The following KCNMA1 variants were observed in gnomAD, a reference collection of about 807,000 sequenced individuals.
The protein encoded by KCNMA1 is Calcium-activated potassium channel subunit alpha-1.
KCNMA1 carries 29 observed loss-of-function variants against 140.0 expected under a neutral mutation model. That is an observed-to-expected ratio of 0.21 (90% CI 0.15 to 0.28). The LOEUF is 0.28. Among genes scored for constraint, KCNMA1 ranks in the 10% least tolerant of loss-of-function variants. KCNMA1 has a pLI of 1.00. For synonymous variants in KCNMA1, 612 were observed against 611.9 expected (o/e 1.00, Z 0.00); for missense variants, 880 against 1,602.2 (o/e 0.55, Z 7.70).
chr10:77,283,793 C>T (rs946239487), intron 2 of KCNMA1, among the ~76,000 whole-genome samples: 1 of 152,140 alleles, frequency 6.6e-6, no homozygotes, highest in Non-Finnish European at 1.5e-5. Flanking sequence ...ATGGGGGAGA[C>T]AGGTATCCAT....
intron 1 of KCNMA1, among the ~76,000 whole-genome samples, chr10:77,411,619 G>A (rs2096620192): frequency 6.6e-6 from 1 of 152,186 alleles, no homozygotes; most frequent in Admixed American, 6.5e-5. Context: ...GAATGCATGT[G>A]CAAGGATTAT....
intron 29 of KCNMA1, among the ~76,000 whole-genome samples, chr10:76,878,650 G>A (rs1443152500): frequency 6.6e-6 from 1 of 152,226 alleles, no homozygotes; most frequent in African/African-American, 2.4e-5. Context: ...CTGTCGACAA[G>A]GGAGCTCAAT....
At chr10:77,231,898 T>C (rs1259656753) in intron 3 of KCNMA1, among the ~76,000 whole-genome samples, 1 of 152,230 alleles carries the variant, frequency 6.6e-6, no homozygotes, top group Non-Finnish European at 1.5e-5. Context: ...TAAAACACTT[T>C]CATCACCTCA....
At chr10:77,292,971 A>G (rs2073803772) in intron 2 of KCNMA1, among the ~76,000 whole-genome samples, 1 of 152,180 alleles carries the variant, frequency 6.6e-6, no homozygotes, top group Non-Finnish European at 1.5e-5. Context: ...ATCAGCTGGT[A>G]AGGGGATATC....
At chr10:77,214,235 G>T (rs2047003371) in intron 3 of KCNMA1, among the ~76,000 whole-genome samples, 1 of 152,122 alleles carries the variant, frequency 6.6e-6, no homozygotes, top group African/African-American at 2.4e-5. Flanking sequence ...AATTTTCCAA[G>T]GCCACTATTT....
At chr10:77,369,734 C>T (rs1210181600) in intron 2 of KCNMA1, among the ~76,000 whole-genome samples, 2 of 152,162 alleles carry the variant, frequency 1.3e-5, no homozygotes, top group African/African-American at 4.8e-5. Flanking sequence ...TTTTGGAAGT[C>T]TCTCTACAAG....
chr10:77,063,178 T>A lies in KCNMA1; in HGVS notation c.1749+9919A>T, dbSNP rs2095818744. 3.9e-5 allele frequency among the ~76,000 whole-genome samples: 6 copies of A among 152,248 alleles called. No homozygotes were observed. In the South Asian group the frequency reaches 1.2e-3, roughly 32 times the overall value. On this transcript the variant is annotated intron_variant, in intron 14 of 27. Transcript: ENST00000286628. ...CTGTAATCCCAGCACTTTGGGAGGC[T>A]GAGGTGGGCACATCACTTGAGGTCA...
intron 16 of KCNMA1, among the ~76,000 whole-genome samples, chr10:77,025,761 A>T (rs2093389947): frequency 6.6e-6 from 1 of 152,044 alleles, no homozygotes; most frequent in African/African-American, 2.4e-5. Flanking sequence ...CATTAAAATT[A>T]TTATCTCAGG....
chr10:76,882,890 C>T (rs971679240), downstream of KCNMA1, among the ~76,000 whole-genome samples: 1 of 152,214 alleles, frequency 6.6e-6, no homozygotes, highest in African/African-American at 2.4e-5. Flanking sequence ...CTGAAAGAAG[C>T]TGATTGAGAA....
At chr10:76,909,926 C>G in intron 25 of KCNMA1, 40 bp downstream of exon 25, 1 of 1,606,056 alleles carries the variant, frequency 6.2e-7, no homozygotes, top group Non-Finnish European at 8.5e-7. Flanking sequence ...TTGGCACATC[C>G]TCCACCCTTG....
At chr10:77,467,647 T>C (rs12775139) in intron 1 of KCNMA1, among the ~76,000 whole-genome samples, 33,111 of 152,138 alleles carry the variant, frequency 0.22, 3,680 homozygotes, top group Middle Eastern at 0.28. Context: ...GAGGTCAAGG[T>C]TAGTTCCCAA....
intron 9 of KCNMA1, among the ~76,000 whole-genome samples, chr10:77,102,601 C>G (rs908347979): frequency 6.6e-6 from 1 of 152,138 alleles, no homozygotes. Flanking sequence ...GAACTGAAGA[C>G]CTATGTTTGC....
chr10:77,002,341 G>A (rs1413553639), intron 18 of KCNMA1, among the ~76,000 whole-genome samples: 1 of 152,166 alleles, frequency 6.6e-6, no homozygotes, highest in Non-Finnish European at 1.5e-5. Context: ...TTGCTCTATT[G>A]GAATGCATTT....
intron 1 of KCNMA1, chr10:77,587,742 G>A: frequency 1.0e-6 from 1 of 985,326 alleles, no homozygotes; most frequent in Non-Finnish European, 1.2e-6. Flanking sequence ...TGCTTTCCCA[G>A]GTGCTTTCAT....
chr10:77,010,372 G>T (rs1177409441), intron 18 of KCNMA1, among the ~76,000 whole-genome samples: 4 of 151,900 alleles, frequency 2.6e-5, no homozygotes, highest in Non-Finnish European at 5.9e-5. Flanking sequence ...GATTCATGGG[G>T]TCTGTGGGGG....
At chr10:77,450,204 C>G (rs957985885) in intron 1 of KCNMA1, among the ~76,000 whole-genome samples, 2 of 151,982 alleles carry the variant, frequency 1.3e-5, no homozygotes, top group African/African-American at 4.8e-5. Context: ...TACAGGTGCC[C>G]GCTACCATGC....
intron 2 of KCNMA1, among the ~76,000 whole-genome samples, chr10:77,329,168 G>A (rs561232944): frequency 6.6e-6 from 1 of 152,144 alleles, no homozygotes; most frequent in East Asian, 1.9e-4. Context: ...TAGTCATTGG[G>A]CTTCCCCACC....
intron 1 of KCNMA1, chr10:77,636,714 C>A: frequency 6.6e-7 from 1 of 1,515,870 alleles, no homozygotes; most frequent in Non-Finnish European, 8.8e-7. Flanking sequence ...TCGGGCCATG[C>A]TCCTCCCCCG....
At chr10:77,617,954 T>C (rs2090133689) in intron 1 of KCNMA1, among the ~76,000 whole-genome samples, 1 of 152,214 alleles carries the variant, frequency 6.6e-6, no homozygotes, top group South Asian at 2.1e-4. Context: ...GGTGCAGTGC[T>C]ACATTTCCCA....
Sources: allele counts gnomAD v4.1 joint callset (sites outside exome capture counted in the v4.1 genomes callset), GRCh38; gene constraint gnomAD v4.1.1; transcripts MANE v1.5; gene names NCBI Gene and HGNC (gene_info 2026-07-23, HGNC 2026-07-21).